ITGAE: variants seen among roughly 807,000 people sequenced by gnomAD.
ITGAE encodes the protein integrin subunit alpha E.
ITGAE carries 99 observed loss-of-function variants against 136.5 expected under a neutral mutation model. The observed-to-expected ratio is 0.73, with a 90% confidence interval of 0.62 to 0.86. The LOEUF is 0.86. Ranked by LOEUF, ITGAE falls within the 40% of genes least tolerant of loss-of-function variation. The probability of loss-of-function intolerance (pLI) is 0.00; values close to 1 mark genes in which losing one functional copy is unlikely to be tolerated. For missense variants in ITGAE, 1,447 were observed against 1,515.3 expected, an observed-to-expected ratio of 0.95 and a Z score of 0.75; for synonymous variants, 613 against 591.8, an observed-to-expected ratio of 1.04 and a Z score of -0.52.
At chr17:3,773,941 T>C (rs1483503300) in intron 2 of ITGAE, among the ~76,000 whole-genome samples, 5 of 152,220 alleles carry the variant, frequency 3.3e-5, no homozygotes, top group African/African-American at 1.2e-4. Flanking sequence ...AAATGTTTAT[T>C]TTGAGACCAA....
intron 16 of ITGAE, among the ~76,000 whole-genome samples, chr17:3,748,875 G>A (rs2051787665): frequency 6.6e-6 from 1 of 152,154 alleles, no homozygotes; most frequent in South Asian, 2.1e-4. Context: ...GGGCGGGAAG[G>A]GCCAGGCCAC....
At chr17:3,741,823 T>C (rs564259967) in intron 19 of ITGAE, among the ~76,000 whole-genome samples, 21 of 152,296 alleles carry the variant, frequency 1.4e-4, no homozygotes, top group Admixed American at 1.3e-4. Flanking sequence ...ACGTCTGTAA[T>C]CCCAGCACTT....
chr17:3,733,502 A>C (rs573055085), intron 21 of ITGAE, among the ~76,000 whole-genome samples: 1 of 151,874 alleles, frequency 6.6e-6, no homozygotes, highest in East Asian at 1.9e-4. Context: ...GCTCACTCCA[A>C]TCTCCACCTC....
In ITGAE at chr17:3,717,088, A is replaced by G. The variant is rs2050957637; in HGVS notation, c.3334-290T>C. On this transcript the variant is annotated intron_variant, in intron 29 of 30. Coordinates refer to ENST00000263087, the MANE Select transcript of ITGAE (RefSeq NM_002208.5). ...CTGTTAAAGATGCTCTGACAGCTTGAAAGAGGGTCCCACGGAATCCGGTCT... is the reference window on the plus strand; with the variant it reads ...CTGTTAAAGATGCTCTGACAGCTTGGAAGAGGGTCCCACGGAATCCGGTCT... The G allele has an allele frequency of 3.3e-5, 10 of 307,102 alleles. No individual in the cohort carries two copies. In the South Asian group the frequency reaches 3.5e-4, roughly 11 times the overall value. 19.0% of individuals were successfully genotyped at this position (307,102 alleles called of 1,614,324 possible).
intron 3 of ITGAE, 35 bp from the exon 4 acceptor site, chr17:3,762,017 G>A (rs778229073): frequency 1.0e-5 from 16 of 1,582,750 alleles, no homozygotes; most frequent in Non-Finnish European, 1.3e-5. Context: ...GAGGAGGAGG[G>A]GACTCTGGGA....
chr17:3,757,891 C>A (rs1411534363), intron 8 of ITGAE, 32 bp from the exon 9 acceptor site: 2 of 1,611,842 alleles, frequency 1.2e-6, no homozygotes, highest in Admixed American at 1.7e-5. Flanking sequence ...AAGAAGAGAG[C>A]TTTGCCAGAA....
Position 3,753,893 on chromosome 17 carries a change from T to C in ITGAE, c.1417A>G (p.Ser473Gly). The C allele has an allele frequency of 6.2e-7, 1 of 1,614,116 alleles. No homozygotes were observed. Among genetic ancestry groups the C allele is most frequent in the South Asian group, 1.1e-5 (1 of 91,090 alleles). The change falls in exon 13 of 31, where the codon AGC becomes GGC. Residue 473 changes from serine to glycine, a missense_variant. Ser to Gly is a moderately conservative substitution (Grantham distance 56, BLOSUM62 0). Coordinates refer to ENST00000263087, the MANE Select transcript of ITGAE (RefSeq NM_002208.5). ...YAVAVLHKTC[S>G]LSYIAGAPRY... is the part of the protein sequence containing the mutation. The stretch of plus-strand genomic sequence containing the variant: ...GGAGCCCCCGCGATGTAGGAGAGGC[T>C]GCAGGTCTTGTGCAGCACGGCCACA...
chr17:3,765,146 G>C (rs1033736138), intron 2 of ITGAE, among the ~76,000 whole-genome samples: 5 of 151,840 alleles, frequency 3.3e-5, no homozygotes, highest in Non-Finnish European at 7.4e-5. Flanking sequence ...TCAGGAGATC[G>C]AGACCATCCT....
At chr17:3,788,940 CAA>C (rs1480891263) in intron 1 of ITGAE, among the ~76,000 whole-genome samples, 6 of 150,802 alleles carry the variant, frequency 4.0e-5, no homozygotes, top group African/African-American at 9.7e-5. Flanking sequence ...ATGATATTTA[CAA>C]GAGAGAGAAA....
At position 3,751,641 on chromosome 17, in the gene ITGAE, A is replaced by G; in HGVS notation, c.1893+9T>C. ...CAGAGGAGAGGAAGGAGAGGGCCCC[A>G]TGGGTCACCTGCGAGGGGCTGGCGG... On this transcript the variant is annotated intron_variant, in intron 15 of 30. Coordinates refer to ENST00000263087, the MANE Select transcript of ITGAE (RefSeq NM_002208.5). 1 of 1,611,768 alleles carries G rather than the reference A, an allele frequency of 6.2e-7. No individual in the cohort carries two copies. The highest frequency in any genetic ancestry group is 8.5e-7 in the Non-Finnish European group (1 of 1,178,140).
Position 3,732,350 on chromosome 17 carries a change from C to T in ITGAE, c.2754+18G>A, listed in dbSNP as rs1455366391. 5.7e-6 allele frequency: 9 copies of T among 1,587,120 alleles called. No individual in the cohort carries two copies. The highest frequency in any genetic ancestry group is 3.3e-5 in the Admixed American group (2 of 59,954). On this transcript the variant is annotated intron_variant, in intron 22 of 30. Transcript: ENST00000263087. ...CTGCAGGGTGGTGAGAAGAGCGAAT[C>T]AGTCCAAACCGACTCACAGATGACC...
rs72345629 is a variant in ITGAE at position 3,776,962 on chromosome 17, CTT to C, written c.155+576_155+577del. The stretch of plus-strand genomic sequence containing the variant: ...TTAATATGCTTTATTTTAAAATTGT[CTT>C]TTTTTTTTTTTTTTGAGACGGAGTC... On this transcript the variant is annotated intron_variant, in intron 2 of 30. Coordinates refer to ENST00000263087, the MANE Select transcript of ITGAE (RefSeq NM_002208.5). Among the ~76,000 whole-genome samples the C allele has an allele frequency of 5.9e-3, 811 of 137,984 alleles. 3 individuals are homozygous for C. The highest frequency in any genetic ancestry group is 0.02 in the African/African-American group (728 of 37,270). The allele number at this position is 137,984 out of a possible 152,430, so 90.5% of individuals were successfully genotyped here.
At chr17:3,740,732 T>G (rs1283040908) in intron 19 of ITGAE, among the ~76,000 whole-genome samples, 5 of 152,244 alleles carry the variant, frequency 3.3e-5, no homozygotes, top group Non-Finnish European at 7.3e-5. Flanking sequence ...ATCGACTAAT[T>G]CTGAAAGCCA....
intron 19 of ITGAE, among the ~76,000 whole-genome samples, chr17:3,741,329 C>T (rs1181831572): frequency 1.3e-5 from 2 of 151,458 alleles, no homozygotes; most frequent in East Asian, 1.9e-4. Context: ...CCTCATGATC[C>T]GCCAGCCTCG....
intron 29 of ITGAE, among the ~76,000 whole-genome samples, chr17:3,719,075 AAAAT>A (rs1300907646): frequency 2.0e-5 from 3 of 150,042 alleles, no homozygotes; most frequent in Admixed American, 6.6e-5. Context: ...CTATTTAAAA[AAAAT>A]AAATAAATTA....
intron 15 of ITGAE, among the ~76,000 whole-genome samples, chr17:3,751,431 A>C (rs1185329528): frequency 6.6e-6 from 1 of 151,632 alleles, no homozygotes; most frequent in Admixed American, 6.6e-5. Context: ...GCCGAGGTGA[A>C]GCCCTGGTCT....
chr17:3,739,703 G>T, intron 20 of ITGAE, 102 bp downstream of exon 20: 2 of 962,148 alleles, frequency 2.1e-6, no homozygotes, highest in South Asian at 2.6e-5. Flanking sequence ...GGGCCACGGG[G>T]AGAGGGGAAG....
In ITGAE at chr17:3,772,588, C is replaced by T. The variant is rs141295991; in HGVS notation, c.155+4952G>A. On this transcript the variant is annotated intron_variant, in intron 2 of 30. Transcript: ENST00000263087. ...ATGCCATTCTCCTGCCTCAGCCTCCCAAGCAGCTGGGACTACAGGTGCGCG... is the reference window on the plus strand; with the variant it reads ...ATGCCATTCTCCTGCCTCAGCCTCCTAAGCAGCTGGGACTACAGGTGCGCG... 2.3e-3 allele frequency among the ~76,000 whole-genome samples: 350 copies of T among 152,174 alleles called. 4 individuals carry two copies. The highest frequency in any genetic ancestry group is 8.1e-3 in the African/African-American group (335 of 41,498).
chr17:3,734,232 A>G (rs368748748), intron 21 of ITGAE, among the ~76,000 whole-genome samples: 2,584 of 71,902 alleles, frequency 0.036, 73 homozygotes, highest in African/African-American at 0.19. Context: ...CATCGCGCCC[A>G]GCTAATTTTT....
Sources: gnomAD v4.1 joint callset for allele counts (sites outside exome capture counted in the v4.1 genomes callset) on GRCh38, gnomAD v4.1.1 for gene constraint, MANE v1.5 for transcripts, NCBI Gene and HGNC (gene_info 2026-07-23, HGNC 2026-07-21) for gene names.